Variants in PDE3B observed in about 807,000 individuals in gnomAD.
The protein encoded by PDE3B is phosphodiesterase 3B.
A neutral mutation model predicts 116.8 loss-of-function variants in PDE3B; 66 were observed. The observed-to-expected ratio is 0.56, with a 90% CI of 0.46 to 0.69. PDE3B has a LOEUF of 0.69. PDE3B is among the 30% of genes least tolerant of loss of function. The pLI is 0.00. For synonymous variants in PDE3B, 595 were observed against 533.6 expected, an observed-to-expected ratio of 1.12 and a Z score of -1.59; for missense variants, 1,384 against 1,368.1, an observed-to-expected ratio of 1.01 and a Z score of -0.18.
chr11:14,769,245 G>T (rs1476545289), intron 1 of PDE3B, among the ~76,000 whole-genome samples: 3 of 151,302 alleles, frequency 2.0e-5, no homozygotes, highest in Non-Finnish European at 4.4e-5. Flanking sequence ...CTACAATATT[G>T]TAATGTACAA....
chr11:14,662,027 C>A (rs1300389101), intron 1 of PDE3B, among the ~76,000 whole-genome samples: 1 of 152,140 alleles, frequency 6.6e-6, no homozygotes. Flanking sequence ...TGACCCCTGA[C>A]CCCCGAGCAG....
At chr11:14,783,587 C>T (rs1030340953) in intron 2 of PDE3B, among the ~76,000 whole-genome samples, 5 of 151,708 alleles carry the variant, frequency 3.3e-5, no homozygotes, top group African/African-American at 1.2e-4. Flanking sequence ...GGAAGGGGAA[C>T]ATCACACACC....
At chr11:14,850,883 C>T (rs562198062) in intron 12 of PDE3B, among the ~76,000 whole-genome samples, 49 of 152,060 alleles carry the variant, frequency 3.2e-4, no homozygotes, top group Middle Eastern at 3.4e-3. Context: ...GGCTGGAGTG[C>T]AGTGGGGCAT....
At chr11:14,789,817 G>A (rs1858328807) in intron 4 of PDE3B, among the ~76,000 whole-genome samples, 1 of 152,026 alleles carries the variant, frequency 6.6e-6, no homozygotes, top group Non-Finnish European at 1.5e-5. Context: ...CTGGGAAAAT[G>A]CAGGAGCTGA....
chr11:14,645,653 G>A (rs1186942023), intron 1 of PDE3B, among the ~76,000 whole-genome samples: 1 of 152,124 alleles, frequency 6.6e-6, no homozygotes, highest in Non-Finnish European at 1.5e-5. Flanking sequence ...TTAATTCAAT[G>A]TTCTTTGTAT....
chr11:14,856,426 A>T (rs1240399894), intron 12 of PDE3B, among the ~76,000 whole-genome samples: 1 of 152,154 alleles, frequency 6.6e-6, no homozygotes, highest in African/African-American at 2.4e-5. Context: ...TTTACCCTAT[A>T]AAAAAACAAC....
chr11:14,664,857 A>G (rs1019183234), intron 1 of PDE3B, among the ~76,000 whole-genome samples: 3 of 152,240 alleles, frequency 2.0e-5, no homozygotes, highest in African/African-American at 7.2e-5. Flanking sequence ...AGCTGGTACC[A>G]TTCCTCCTGA....
intron 5 of PDE3B, among the ~76,000 whole-genome samples, chr11:14,808,542 G>C (rs1859022537): frequency 1.3e-5 from 2 of 152,050 alleles, no homozygotes; most frequent in East Asian, 1.9e-4. Flanking sequence ...ACTCAATATT[G>C]GATTAGAGGT....
At chr11:14,645,106 C>T in intron 1 of PDE3B, 53 bp downstream of exon 1, 1 of 1,324,608 alleles carries the variant, frequency 7.5e-7, no homozygotes, top group Non-Finnish European at 9.9e-7. Flanking sequence ...GGGTTTACCG[C>T]TGCAGTTTCC....
chr11:14,665,190 A>G (rs1854090134), intron 1 of PDE3B, among the ~76,000 whole-genome samples: 1 of 152,262 alleles, frequency 6.6e-6, no homozygotes, highest in South Asian at 2.1e-4. Flanking sequence ...CAATAGATGC[A>G]GAAAAGTCCT....
intron 13 of PDE3B, among the ~76,000 whole-genome samples, chr11:14,859,580 C>G (rs1381016589): frequency 1.3e-5 from 2 of 152,070 alleles, no homozygotes; most frequent in East Asian, 3.9e-4. Flanking sequence ...TTTGACAAAG[C>G]CATGCTCAGT....
intron 1 of PDE3B, among the ~76,000 whole-genome samples, chr11:14,650,496 T>C (rs1240212734): frequency 6.6e-6 from 1 of 152,204 alleles, no homozygotes; most frequent in Non-Finnish European, 1.5e-5. Flanking sequence ...TGTTACCTTA[T>C]GTGGCAAAAT....
Position 14,843,930 on chromosome 11 carries a change from A to G in PDE3B, c.2424A>G (p.Ala808=). The G allele has an allele frequency of 6.2e-7, 1 of 1,614,098 alleles. No homozygotes were observed. Among genetic ancestry groups the G allele is most frequent in the South Asian group, 1.1e-5 (1 of 91,086 alleles). ...GCTGCCTGTCTTCAAACATTCCTGC[A>G]TTAGAATTGATGGCTCTATACGTGG... ...SYGCLSSNIP[A]LELMALYVAA... The change falls in exon 12 of 16, where the codon GCA becomes GCG. Residue 808 remains alanine, a synonymous_variant. Coordinates refer to ENST00000282096, the MANE Select transcript of PDE3B (RefSeq NM_000922.4).
chr11:14,879,488 T>C, the PDE3B span: 1 of 1,443,264 alleles, frequency 6.9e-7, no homozygotes. Context: ...TTCTTAGAAT[T>C]ATACCTAAAG....
chr11:14,799,608 C>T (rs538786731), intron 4 of PDE3B, among the ~76,000 whole-genome samples: 126 of 151,976 alleles, frequency 8.3e-4, no homozygotes, highest in Non-Finnish European at 1.5e-3. Context: ...TTATGAATCT[C>T]GGTGCTCTTA....
At chr11:14,880,222 C>T in the PDE3B span, 1 of 1,612,778 alleles carries the variant, frequency 6.2e-7, no homozygotes, top group Admixed American at 1.7e-5. Context: ...GATGAGTTCA[C>T]CCACTGAGAA....
chr11:14,851,435 G>GA (rs1257007349), intron 12 of PDE3B, among the ~76,000 whole-genome samples: 5 of 151,536 alleles, frequency 3.3e-5, no homozygotes, highest in African/African-American at 1.2e-4. Flanking sequence ...CTTGAATTGT[G>GA]AGCATGTGTG....
intron 1 of PDE3B, among the ~76,000 whole-genome samples, chr11:14,703,963 T>A (rs910304756): frequency 2.0e-4 from 30 of 151,734 alleles, no homozygotes; most frequent in African/African-American, 7.0e-4. Context: ...CAAGTCTGTT[T>A]TGAGTTTTTT....
intron 6 of PDE3B, among the ~76,000 whole-genome samples, chr11:14,818,931 T>C (rs983315624): frequency 1.3e-5 from 2 of 152,174 alleles, no homozygotes; most frequent in African/African-American, 4.8e-5. Flanking sequence ...AGATCCAATG[T>C]TGACTTTTCA....
Sources: gnomAD v4.1 joint callset for allele counts (sites outside exome capture counted in the v4.1 genomes callset) on GRCh38, gnomAD v4.1.1 for gene constraint, MANE v1.5 for transcripts, NCBI Gene and HGNC (gene_info 2026-07-23, HGNC 2026-07-21) for gene names.